MEIG1: variants seen among roughly 807,000 people sequenced by gnomAD.
MEIG1 encodes the protein meiosis expressed gene 1 protein homolog.
Under a neutral mutation model 11.3 loss-of-function variants are expected in MEIG1, and 12 were observed. That is an observed-to-expected ratio of 1.07 (90% CI 0.68 to 1.73). The LOEUF (loss-of-function observed/expected upper bound fraction) is 1.73, where lower values mean the gene tolerates loss of function less well. Among genes scored for constraint, MEIG1 ranks in the 40% most tolerant of loss-of-function variants. The pLI, the probability that MEIG1 is intolerant of heterozygous loss-of-function variation, is 0.00. For synonymous variants in MEIG1, 41 were observed against 33.2 expected (o/e 1.24, Z -0.81); for missense variants, 119 against 104.9 (o/e 1.13, Z -0.59).
intron 2 of MEIG1, among the ~76,000 whole-genome samples, chr10:14,970,078 G>T (rs1438612770): frequency 6.6e-6 from 1 of 152,166 alleles, no homozygotes; most frequent in East Asian, 1.9e-4. Flanking sequence ...TTCAGGGACG[G>T]ATAGGATGGT....
chr10:14,983,558 A>G (rs1294893495), intron 1 of MEIG1, among the ~76,000 whole-genome samples: 2 of 151,976 alleles, frequency 1.3e-5, no homozygotes, highest in South Asian at 2.1e-4. Context: ...AGTCTGTGCT[A>G]TTGTTCTTAA....
At chr10:14,981,742 T>C (rs1843267547) in intron 1 of MEIG1, among the ~76,000 whole-genome samples, 1 of 152,188 alleles carries the variant, frequency 6.6e-6, no homozygotes, top group African/African-American at 2.4e-5. Context: ...TCTTTTGAGC[T>C]GAGGGCATTT....
intron 1 of MEIG1, among the ~76,000 whole-genome samples, chr10:14,980,665 C>A (rs1037058119): frequency 6.6e-6 from 1 of 152,100 alleles, no homozygotes; most frequent in Non-Finnish European, 1.5e-5. Flanking sequence ...TGGAGCAAAG[C>A]GCAGCCTATG....
chr10:14,960,015 C>G (rs573392613), intron 1 of MEIG1, among the ~76,000 whole-genome samples: 541 of 152,296 alleles, frequency 3.6e-3, no homozygotes, highest in African/African-American at 0.013. Context: ...ACAGGCAGGT[C>G]AGCACTCCCA....
chr10:14,979,826 G>T (rs1843246974), intron 1 of MEIG1, among the ~76,000 whole-genome samples: 1 of 151,986 alleles, frequency 6.6e-6, no homozygotes, highest in Non-Finnish European at 1.5e-5. Context: ...AATATGTGAG[G>T]GAGGTATAAC....
intron 1 of MEIG1, among the ~76,000 whole-genome samples, chr10:14,963,165 T>C (rs1430988249): frequency 1.3e-5 from 2 of 151,574 alleles, no homozygotes; most frequent in African/African-American, 4.8e-5. Flanking sequence ...GGCACGATCT[T>C]GGCTCACTGC....
chr10:14,977,649 A>C (rs192579399), downstream of MEIG1, among the ~76,000 whole-genome samples: 145 of 152,022 alleles, frequency 9.5e-4, 2 homozygotes, highest in East Asian at 5.8e-3. Context: ...TCCTAATATC[A>C]CAGTGGGTGT....
intron 1 of MEIG1, among the ~76,000 whole-genome samples, chr10:14,984,649 C>T (rs1843300318): frequency 6.6e-6 from 1 of 152,040 alleles, no homozygotes; most frequent in Non-Finnish European, 1.5e-5. Context: ...TCAAATTACT[C>T]GTATGATCCT....
At chr10:14,973,236 T>TA, downstream of MEIG1, among the ~76,000 whole-genome samples, 1 of 152,264 alleles carries the variant, frequency 6.6e-6, no homozygotes, top group South Asian at 2.1e-4. Flanking sequence ...TCCCAATGGT[T>TA]AGACTAGTGA....
chr10:14,979,449 A>G (rs886782808), intron 1 of MEIG1, among the ~76,000 whole-genome samples: 3 of 151,692 alleles, frequency 2.0e-5, no homozygotes, highest in Admixed American at 6.6e-5. Flanking sequence ...GGATACTACT[A>G]CTAATGTCAC....
At chr10:14,962,507 T>C (rs1336475642) in intron 1 of MEIG1, among the ~76,000 whole-genome samples, 1 of 152,208 alleles carries the variant, frequency 6.6e-6, no homozygotes, top group South Asian at 2.1e-4. Flanking sequence ...ATACAGCATA[T>C]TTTCTGCTCT....
intron 1 of MEIG1, 56 bp downstream of exon 1, chr10:14,959,613 G>C (rs1468710478): frequency 6.6e-6 from 1 of 152,476 alleles, no homozygotes; most frequent in African/African-American, 2.4e-5. Context: ...CTGCGCCCCG[G>C]CCGTAGCCCC....
chr10:14,982,632 A>C (rs1405394726), intron 1 of MEIG1, among the ~76,000 whole-genome samples: 3 of 152,118 alleles, frequency 2.0e-5, no homozygotes, highest in South Asian at 2.1e-4. Context: ...CTATCCCAGT[A>C]TACCGCTGCT....
intron 1 of MEIG1, among the ~76,000 whole-genome samples, chr10:14,984,695 C>T (rs1843300788): frequency 6.6e-6 from 1 of 152,100 alleles, no homozygotes; most frequent in East Asian, 1.9e-4. Flanking sequence ...AGAGGGTGTA[C>T]ACTCTGTGAT....
intron 1 of MEIG1, among the ~76,000 whole-genome samples, chr10:14,964,635 A>ATTTTTTTTTTTTT (rs1564504045): frequency 2.3e-5 from 1 of 43,204 alleles, no homozygotes; most frequent in Non-Finnish European, 4.9e-5. Flanking sequence ...ATATATGTAT[A>ATTTTTTTTTTTTT]CTTTTTTTTT....
At chr10:14,975,567 G>A (rs193051911), downstream of MEIG1, among the ~76,000 whole-genome samples, 71 of 152,208 alleles carry the variant, frequency 4.7e-4, 2 homozygotes, top group East Asian at 0.013. Flanking sequence ...CGCAGGAGGT[G>A]TACACCCACT....
chr10:14,986,441 A>C (rs963487999), intron 1 of MEIG1, among the ~76,000 whole-genome samples: 4 of 152,220 alleles, frequency 2.6e-5, no homozygotes, highest in African/African-American at 7.2e-5. Flanking sequence ...TTGTGCAAGA[A>C]ATTCTTGTGA....
Position 14,980,432 on chromosome 10 carries a change from G to C in MEIG1, n.67-6364G>C, listed in dbSNP as rs148972119. 6.7e-4 allele frequency among the ~76,000 whole-genome samples: 102 copies of C among 152,232 alleles called. 1 individual carries two copies. The highest frequency in any genetic ancestry group is 2.4e-3 in the African/African-American group (101 of 41,534). On this transcript the variant is annotated intron_variant and non_coding_transcript_variant, in intron 1 of 2. Transcript: ENST00000467536. ...ATGTCACACGTGGTGTACAAACAGT[G>C]ATATCATTTGTGATATTTTATGGAA... is the stretch of plus-strand genomic sequence containing the variant.
At chr10:14,971,076 A>G (rs975936903) in intron 2 of MEIG1, among the ~76,000 whole-genome samples, 13 of 152,122 alleles carry the variant, frequency 8.5e-5, no homozygotes, top group African/African-American at 2.7e-4. Context: ...ATAAACCAAT[A>G]TGGTATACAA....
Sources: allele counts gnomAD v4.1 joint callset (sites outside exome capture counted in the v4.1 genomes callset), GRCh38; gene constraint gnomAD v4.1.1; transcripts MANE v1.5; gene names NCBI Gene and HGNC (gene_info 2026-07-23, HGNC 2026-07-21).